PSMA8: variants seen among roughly 807,000 people sequenced by gnomAD.
The protein encoded by PSMA8 is proteasome 20S subunit alpha 8, also known as proteasome subunit alpha-type 8.
PSMA8 carries 18 observed loss-of-function variants against 32.4 expected under a neutral mutation model. The observed-to-expected ratio is 0.56, with a 90% CI of 0.38 to 0.82. The LOEUF is 0.82. PSMA8 is among the 40% of genes least tolerant of loss of function. The pLI is 0.00. For synonymous variants in PSMA8, 104 were observed against 98.1 expected, an observed-to-expected ratio of 1.06 and a Z score of -0.36; for missense variants, 298 against 300.7, an observed-to-expected ratio of 0.99 and a Z score of 0.07.
rs750718243 is a variant in PSMA8 at position 26,134,039 on chromosome 18, A to G, written c.74A>G (p.Gln25Arg). The G allele has an allele frequency of 6.2e-7, 1 of 1,613,990 alleles. No homozygotes were observed. Among genetic ancestry groups the G allele is most frequent in the East Asian group, 2.2e-5 (1 of 44,866 alleles). ...CACCTTTTTCAAGTTGAATATGCCCAGGAAGCGGTGAAGAAAGGATCCACC... is the reference window on the plus strand; with the variant it reads ...CACCTTTTTCAAGTTGAATATGCCCGGGAAGCGGTGAAGAAAGGATCCACC... ...DGHLFQVEYA[Q>R]EAVKKGSTAV... The change falls in exon 1 of 7, where the codon CAG becomes CGG. Residue 25 changes from glutamine (Q) to arginine (R), a missense_variant. By Grantham distance (43) the Gln-to-Arg change is conservative. Coordinates refer to ENST00000415576, the MANE Select transcript of PSMA8 (RefSeq NM_001025096.2).
chr18:26,181,431 A>G (rs1598670244), intron 6 of PSMA8, among the ~76,000 whole-genome samples: 1 of 152,266 alleles, frequency 6.6e-6, no homozygotes, highest in East Asian at 1.9e-4. Context: ...AACAATATTG[A>G]AAATAGGCCA....
chr18:26,181,913 G>A (rs1461892943), intron 6 of PSMA8, among the ~76,000 whole-genome samples: 1 of 148,660 alleles, frequency 6.7e-6, no homozygotes, highest in Non-Finnish European at 1.5e-5. Flanking sequence ...AACAGAGTGA[G>A]ACGCCATCTG....
intron 1 of PSMA8, 89 bp from the exon 2 acceptor site, chr18:26,144,470 G>A (rs2054984852): frequency 9.2e-7 from 1 of 1,087,588 alleles, no homozygotes; most frequent in African/African-American, 1.6e-5. Context: ...TTAAGGAGAA[G>A]TCATTTCCCC....
chr18:26,177,907 T>G (rs1225811575), intron 4 of PSMA8, among the ~76,000 whole-genome samples: 1 of 152,178 alleles, frequency 6.6e-6, no homozygotes, highest in Non-Finnish European at 1.5e-5. Context: ...TCTTTTCAAG[T>G]TTCAGCTTTT....
chr18:26,147,656 GC>G (rs1388046394), intron 2 of PSMA8, among the ~76,000 whole-genome samples: 9 of 152,058 alleles, frequency 5.9e-5, no homozygotes, highest in Non-Finnish European at 1.3e-4. Context: ...AGTGTTTTTA[GC>G]TTTCTACTGT....
At chr18:26,135,867 C>G (rs1306518678) in intron 1 of PSMA8, among the ~76,000 whole-genome samples, 1 of 152,146 alleles carries the variant, frequency 6.6e-6, no homozygotes, top group Non-Finnish European at 1.5e-5. Context: ...GAATGAGACA[C>G]TTTTGTCTCA....
chr18:26,171,174 A>C, intron 4 of PSMA8: 1 of 1,559,490 alleles, frequency 6.4e-7, no homozygotes, highest in Non-Finnish European at 8.5e-7. Flanking sequence ...GGTTGTGGTC[A>C]TTCTCTGGAA....
intron 1 of PSMA8, chr18:26,139,999 T>C (rs2054941941): frequency 1.0e-5 from 7 of 699,818 alleles, no homozygotes; most frequent in Non-Finnish European, 1.8e-5. Flanking sequence ...TAATTCTTTG[T>C]CAAGAAATTC....
intron 1 of PSMA8, among the ~76,000 whole-genome samples, chr18:26,135,398 T>G (rs2054903722): frequency 6.6e-6 from 1 of 150,448 alleles, no homozygotes; most frequent in Non-Finnish European, 1.5e-5. Context: ...TTTTCTGACT[T>G]TCTTTGTTAA....
chr18:26,175,917 A>G (rs2055260159), intron 4 of PSMA8, among the ~76,000 whole-genome samples: 1 of 152,100 alleles, frequency 6.6e-6, no homozygotes, highest in Non-Finnish European at 1.5e-5. Flanking sequence ...AGTGACTTCC[A>G]CCTGTGTATA....
chr18:26,152,038 G>A, intron 3 of PSMA8, 56 bp downstream of exon 3: 1 of 1,439,438 alleles, frequency 6.9e-7, no homozygotes, highest in Non-Finnish European at 9.3e-7. Context: ...ATCATTATAA[G>A]TCCTATCATA....
At chr18:26,155,771 G>A (rs964427462) in intron 3 of PSMA8, among the ~76,000 whole-genome samples, 1 of 152,110 alleles carries the variant, frequency 6.6e-6, no homozygotes. Flanking sequence ...GACTTTAAAA[G>A]CACAGGCACC....
At chr18:26,179,777 G>C (rs1250535114) in intron 6 of PSMA8, among the ~76,000 whole-genome samples, 1 of 151,978 alleles carries the variant, frequency 6.6e-6, no homozygotes, top group African/African-American at 2.4e-5. Context: ...AACTATATAA[G>C]AAATATACTT....
In PSMA8 at chr18:26,146,145, G is replaced by A. The variant is rs572236844; in HGVS notation, c.229+1460G>A. On this transcript the variant is annotated intron_variant, in intron 2 of 6. Coordinates refer to ENST00000415576, the MANE Select transcript of PSMA8 (RefSeq NM_001025096.2). ...TTATGTGCTTATTTGCCCCTATACAGCAAATAAGACATGCCTCTTGTCTTT... is the reference window on the plus strand; with the variant it reads ...TTATGTGCTTATTTGCCCCTATACAACAAATAAGACATGCCTCTTGTCTTT... 2.7e-5 allele frequency among the ~76,000 whole-genome samples: 4 copies of A among 148,602 alleles called. No individual in the cohort carries two copies. The South Asian group carries it at 6.4e-4, about 24-fold the overall frequency.
intron 2 of PSMA8, among the ~76,000 whole-genome samples, chr18:26,145,105 G>GT (rs1420728016): frequency 6.6e-6 from 1 of 151,992 alleles, no homozygotes; most frequent in East Asian, 1.9e-4. Flanking sequence ...CATGTATGTA[G>GT]TTTTTTGTTT....
intron 4 of PSMA8, among the ~76,000 whole-genome samples, chr18:26,166,744 T>C (rs576349385): frequency 2.0e-5 from 3 of 152,290 alleles, no homozygotes; most frequent in Admixed American, 2.0e-4. Context: ...GCAGGACATA[T>C]TCTCAAGGAT....
chr18:26,172,726 C>T (rs1016080092), intron 4 of PSMA8, among the ~76,000 whole-genome samples: 1 of 152,150 alleles, frequency 6.6e-6, no homozygotes, highest in African/African-American at 2.4e-5. Context: ...CACATTGCTT[C>T]CAACTACCAC....
At chr18:26,191,512 G>A (rs913006050) in intron 6 of PSMA8, among the ~76,000 whole-genome samples, 7 of 152,106 alleles carry the variant, frequency 4.6e-5, no homozygotes, top group East Asian at 1.9e-4. Context: ...TCAGTCAGGC[G>A]TGGTAGCACA....
At chr18:26,159,577 A>G (rs2055118978) in intron 4 of PSMA8, among the ~76,000 whole-genome samples, 1 of 151,746 alleles carries the variant, frequency 6.6e-6, no homozygotes, top group South Asian at 2.1e-4. Context: ...TCATTACATC[A>G]TTACCCTTTG....
Sources: gnomAD v4.1 joint callset for allele counts (sites outside exome capture counted in the v4.1 genomes callset) on GRCh38, gnomAD v4.1.1 for gene constraint, MANE v1.5 for transcripts, NCBI Gene and HGNC (gene_info 2026-07-23, HGNC 2026-07-21) for gene names.